Variants in PARL observed in about 807,000 individuals in gnomAD.
PARL encodes presenilin associated rhomboid like.
PARL carries 44 observed loss-of-function variants against 51.6 expected under a neutral mutation model. The ratio of observed to expected loss-of-function variants is 0.85; its 90% CI spans 0.67 to 1.10. The LOEUF (loss-of-function observed/expected upper bound fraction) is 1.10. PARL is among the 50% of genes least tolerant of loss of function. The pLI is 0.00. For synonymous variants in PARL, 172 were observed against 164.0 expected, an observed-to-expected ratio of 1.05 and a Z score of -0.37; for missense variants, 441 against 469.5, an observed-to-expected ratio of 0.94 and a Z score of 0.56.
At chr3:183,843,830 G>A (rs940618395) in intron 5 of PARL, among the ~76,000 whole-genome samples, 3 of 151,538 alleles carry the variant, frequency 2.0e-5, no homozygotes, top group Admixed American at 1.3e-4. Flanking sequence ...CCTGAGGTCA[G>A]GTGTTCAAGA....
chr3:183,855,814 C>T (rs1731080340), intron 4 of PARL, among the ~76,000 whole-genome samples: 1 of 151,908 alleles, frequency 6.6e-6, no homozygotes, highest in Admixed American at 6.6e-5. Context: ...ACAAAAGTTA[C>T]CCAGGCGTGA....
intron 5 of PARL, 59 bp downstream of exon 5, chr3:183,844,172 A>C: frequency 8.6e-7 from 1 of 1,160,858 alleles, no homozygotes; most frequent in Non-Finnish European, 1.3e-6. Context: ...CCATTAACTA[A>C]AGCATATTTC....
At chr3:183,874,056 C>A (rs1733513835) in intron 1 of PARL, among the ~76,000 whole-genome samples, 1 of 152,154 alleles carries the variant, frequency 6.6e-6, no homozygotes, top group African/African-American at 2.4e-5. Flanking sequence ...CTTTTGGCAC[C>A]ATTTTTCCAA....
intron 9 of PARL, among the ~76,000 whole-genome samples, chr3:183,832,403 T>C (rs1337398409): frequency 6.6e-6 from 1 of 152,066 alleles, no homozygotes; most frequent in Non-Finnish European, 1.5e-5. Flanking sequence ...GTATTTTTAG[T>C]AGAGACGGGG....
At chr3:183,857,486 T>C (rs1354861510) in intron 4 of PARL, among the ~76,000 whole-genome samples, 1 of 152,224 alleles carries the variant, frequency 6.6e-6, no homozygotes, top group East Asian at 1.9e-4. Context: ...AAAATCATGG[T>C]GCAGAAGAGT....
At chr3:183,868,462 G>C (rs1256814500) in intron 1 of PARL, among the ~76,000 whole-genome samples, 1 of 151,384 alleles carries the variant, frequency 6.6e-6, no homozygotes, top group Non-Finnish European at 1.5e-5. Flanking sequence ...TCCCTCTGTC[G>C]CTCAGTGGTA....
Position 183,829,516 on chromosome 3 carries a change from T to C in PARL, c.*82A>G, listed in dbSNP as rs1030583755. 7 of 1,613,316 alleles carry C rather than the reference T, an allele frequency of 4.3e-6. No homozygotes were observed. In the South Asian group the frequency reaches 4.4e-5, roughly 10 times the overall value. ...TGCTGGCATCTTCCAGACGGGAGCA[T>C]AGCCATGGTCACTCTAGCCGATGTC... On this transcript the variant is annotated 3_prime_UTR_variant, in exon 10 of 10. Transcript: ENST00000317096.
At chr3:183,865,795 T>C (rs1409927177) in intron 3 of PARL, among the ~76,000 whole-genome samples, 1 of 152,138 alleles carries the variant, frequency 6.6e-6, no homozygotes, top group African/African-American at 2.4e-5. Context: ...TTAGTAGAGC[T>C]GAGATCCACT....
Position 183,842,342 on chromosome 3 carries a change from T to C in PARL, c.713A>G (p.Asn238Ser). ...CATGAACTGCTCTTGACCCAGAATG[T>C]TCACTATGCTGGAAGAGAAGCTCCA... Reference protein sequence around the residue: ...VLWSFSSSIVNILGQEQFMAV... With the variant: ...VLWSFSSSIVSILGQEQFMAV... The change falls in exon 6 of 10, where the codon AAC (asparagine) becomes AGC (serine). Residue 238 changes from asparagine to serine, a missense_variant. Coordinates refer to ENST00000317096, the MANE Select transcript of PARL (RefSeq NM_018622.7). The C allele has an allele frequency of 6.2e-7, 1 of 1,613,408 alleles. No homozygotes were observed. Among genetic ancestry groups the C allele is most frequent in the East Asian group, 2.2e-5 (1 of 44,882 alleles).
chr3:183,870,091 T>TA (rs773848573), intron 1 of PARL, among the ~76,000 whole-genome samples: 71 of 148,106 alleles, frequency 4.8e-4, no homozygotes, highest in Non-Finnish European at 9.5e-4. Flanking sequence ...GCCTGGCCAA[T>TA]ATGGTGAAAC....
chr3:183,867,789 G>A, intron 2 of PARL, 76 bp downstream of exon 2: 1 of 1,046,374 alleles, frequency 9.6e-7, no homozygotes, highest in Non-Finnish European at 1.5e-6. Context: ...TACTTTAAGG[G>A]AGCCCAAATG....
chr3:183,875,356 A>G (rs560696023), intron 1 of PARL, among the ~76,000 whole-genome samples: 3 of 136,758 alleles, frequency 2.2e-5, no homozygotes, highest in Non-Finnish European at 3.0e-5. Flanking sequence ...TGGAGGCTGC[A>G]GTGAGCTGAG....
Position 183,866,682 on chromosome 3 carries a change from T to C in PARL, c.405A>G (p.Ile135Met), listed in dbSNP as rs1334643265. Reference sequence around the variant, plus strand: ...TTATGCTATCCAACCAATCAGCTTTTATACCATCAAAATAACTCTGGACCC... The same window carrying C: ...TTATGCTATCCAACCAATCAGCTTTCATACCATCAAAATAACTCTGGACCC... ...KSRVQSYFDG[I>M]KADWLDSIRP... is the part of the protein sequence containing the mutation. Residue 135 changes from isoleucine (I) to methionine (M), a missense_variant, in exon 3 of 10, where the codon ATA (isoleucine) becomes ATG (methionine). Physicochemically the swap from Ile to Met is conservative, Grantham distance 10. Transcript: ENST00000317096. 3.1e-6 allele frequency: 5 copies of C among 1,612,440 alleles called. No individual in the cohort carries two copies.
In PARL at chr3:183,840,588, A is replaced by G. The variant is rs1560380880; in HGVS notation, c.810T>C (p.Tyr270=). 5 of 1,539,142 alleles carry G rather than the reference A, an allele frequency of 3.2e-6. No individual in the cohort carries two copies. The South Asian group carries it at 4.7e-5, about 14-fold the overall frequency. The change falls in exon 7 of 10, where the codon TAT becomes TAC. Residue 270 remains tyrosine (Y), a synonymous_variant. Coordinates refer to ENST00000317096, the MANE Select transcript of PARL (RefSeq NM_018622.7). Reference sequence around the variant, plus strand: ...TACTTACTGCACCAAGTGATGGTCCATATCTTCCTGTGGCAACTTTACCCA... The same window carrying G: ...TACTTACTGCACCAAGTGATGGTCCGTATCTTCCTGTGGCAACTTTACCCA... ...SYVGKVATGR[Y]GPSLGASGAI... is the part of the protein sequence containing the mutation.
chr3:183,837,146 A>G (rs1380202337), intron 7 of PARL, among the ~76,000 whole-genome samples: 1 of 152,240 alleles, frequency 6.6e-6, no homozygotes, highest in African/African-American at 2.4e-5. Flanking sequence ...CTCTGCTTAC[A>G]AAAGCTAAGT....
At position 183,866,736 on chromosome 3, in the gene PARL, A is replaced by C; in HGVS notation, c.351T>G (p.Ala117=). 2 of 1,608,778 alleles carry C rather than the reference A, an allele frequency of 1.2e-6. No homozygotes were observed. The highest frequency in any genetic ancestry group is 8.5e-7 in the Non-Finnish European group (1 of 1,175,354). Residue 117 remains alanine, a synonymous_variant, in exon 3 of 10, where the codon GCT becomes GCG. Coordinates refer to ENST00000317096, the MANE Select transcript of PARL (RefSeq NM_018622.7). The part of the protein sequence containing the change: ...GFTGCAFGSA[A]IWQYESLKSR... ...ATTTCAGTGATTCATATTGCCAAATAGCAGCTGATCCAAATGCACAGCCTG... is the reference window on the plus strand; with the variant it reads ...ATTTCAGTGATTCATATTGCCAAATCGCAGCTGATCCAAATGCACAGCCTG...
chr3:183,877,746 G>C (rs1329223902), intron 1 of PARL, among the ~76,000 whole-genome samples: 3 of 151,798 alleles, frequency 2.0e-5, no homozygotes, highest in African/African-American at 7.3e-5. Context: ...TAAAATTAAG[G>C]TATCTACATC....
chr3:183,835,400 C>T (rs1295875817), intron 7 of PARL, among the ~76,000 whole-genome samples: 1 of 152,150 alleles, frequency 6.6e-6, no homozygotes, highest in African/African-American at 2.4e-5. Flanking sequence ...TCCCAGAGAT[C>T]TCAGATGTCC....
chr3:183,882,250 TA>T (rs1560442295), intron 1 of PARL, among the ~76,000 whole-genome samples: 1 of 35,790 alleles, frequency 2.8e-5, no homozygotes, highest in East Asian at 1.6e-3. Flanking sequence ...TATATTTATA[TA>T]TATATATATA....
Sources: gnomAD v4.1 joint callset for allele counts (sites outside exome capture counted in the v4.1 genomes callset) on GRCh38, gnomAD v4.1.1 for gene constraint, MANE v1.5 for transcripts, NCBI Gene and HGNC (gene_info 2026-07-23, HGNC 2026-07-21) for gene names.